ERMP1: variants seen among roughly 807,000 people sequenced by gnomAD.
ERMP1 encodes the protein endoplasmic reticulum metallopeptidase 1.
ERMP1 carries 86 observed loss-of-function variants against 92.0 expected under a neutral mutation model. The observed-to-expected ratio is 0.93, with a 90% CI of 0.79 to 1.12. The LOEUF (loss-of-function observed/expected upper bound fraction) is 1.12. Ranked by LOEUF, ERMP1 falls within the 50% of genes most tolerant of loss-of-function variation. ERMP1 has a pLI of 0.00. For missense variants in ERMP1, 1,342 were observed against 1,116.3 expected, an observed-to-expected ratio of 1.20 and a Z score of -2.88; for synonymous variants, 530 against 412.8, an observed-to-expected ratio of 1.28 and a Z score of -3.44.
At chr9:5,859,699 G>C (rs1363185047) in intron 5 of ERMP1, among the ~76,000 whole-genome samples, 1 of 152,168 alleles carries the variant, frequency 6.6e-6, no homozygotes, top group Non-Finnish European at 1.5e-5. Flanking sequence ...AAAGCCTTAA[G>C]TTGTTTCTCA....
At chr9:5,834,977 ATG>A (rs71326191), upstream of ERMP1, among the ~76,000 whole-genome samples, 21,563 of 124,604 alleles carry the variant, frequency 0.17, 1,746 homozygotes, top group Admixed American at 0.18. Context: ...GGATAGATAG[ATG>A]TGTGTGTGTG....
chr9:5,835,875 T>C (rs1300257510), upstream of ERMP1, among the ~76,000 whole-genome samples: 1 of 152,246 alleles, frequency 6.6e-6, no homozygotes, highest in Non-Finnish European at 1.5e-5. Flanking sequence ...GTTTGATCTA[T>C]AATTTTATTT....
At chr9:5,828,693 G>A (rs1405563354) in intron 2 of ERMP1, among the ~76,000 whole-genome samples, 1 of 152,184 alleles carries the variant, frequency 6.6e-6, no homozygotes, top group East Asian at 1.9e-4. Flanking sequence ...TGAAGTGCAT[G>A]TGTTAATAAA....
upstream of ERMP1, among the ~76,000 whole-genome samples, chr9:5,836,742 T>G (rs767024788): frequency 4.6e-5 from 7 of 152,170 alleles, no homozygotes; most frequent in Non-Finnish European, 1.0e-4. Flanking sequence ...ATTCAGGAAC[T>G]GGTGACAATG....
At chr9:5,818,970 T>C (rs1776008) in intron 4 of ERMP1, among the ~76,000 whole-genome samples, 8,684 of 152,288 alleles carry the variant, frequency 0.057, 782 homozygotes, top group African/African-American at 0.19. Context: ...CTTACTGTTA[T>C]ATGTATTTGC....
At chr9:5,812,700 G>A in intron 5 of ERMP1, 189 bp downstream of exon 5, 1 of 653,156 alleles carries the variant, frequency 1.5e-6, no homozygotes, top group Non-Finnish European at 2.7e-6. Context: ...ATATTTTAGA[G>A]GAGGCCAGCA....
At chr9:5,842,440 AAAAAAAAAAAGAAAGAAAAG>A (rs1213856267) in intron 6 of ERMP1, among the ~76,000 whole-genome samples, 1 of 149,994 alleles carries the variant, frequency 6.7e-6, no homozygotes, top group Non-Finnish European at 1.5e-5. Flanking sequence ...GTCTCAAAAA[AAAAAAAAAAAGAAAGAAAAG>A]AAAAAAGAAA....
chr9:5,835,336 CAA>C (rs951852428), upstream of ERMP1, among the ~76,000 whole-genome samples: 48 of 148,430 alleles, frequency 3.2e-4, 1 homozygote, highest in Admixed American at 2.8e-3. Context: ...TACATTCTAA[CAA>C]AGAGACAATG....
Position 5,787,140 on chromosome 9 carries a change from A to C in ERMP1, c.*4T>G. On this transcript the variant is annotated 3_prime_UTR_variant, in exon 15 of 15. Transcript: ENST00000339450. ...GGGCATGTACTTAGAGCTCATCCACAAGATTAAAATACAAAGAGATCGTAG... is the reference window on the plus strand; with the variant it reads ...GGGCATGTACTTAGAGCTCATCCACCAGATTAAAATACAAAGAGATCGTAG... 6.2e-7 allele frequency: 1 copy of C among 1,611,486 alleles called. No individual in the cohort carries two copies. Among genetic ancestry groups the C allele is most frequent in the Non-Finnish European group, 8.5e-7 (1 of 1,178,610 alleles).
intron 11 of ERMP1, among the ~76,000 whole-genome samples, chr9:5,799,627 C>G (rs1178431200): frequency 2.0e-5 from 3 of 152,158 alleles, no homozygotes; most frequent in Non-Finnish European, 2.9e-5. Flanking sequence ...ATTATTTGAA[C>G]ATGGCCACAC....
rs1381594188 is a variant in ERMP1, at chr9:5,861,975, AAAGTT to A, written n.3056-2369_3056-2365del. Reference sequence around the variant, plus strand: ...TCCAACCACTAGTCCTTTAAAAGTTAAAGTTTTTTAAAAAATCACATTTTAATTTT... The same window carrying A: ...TCCAACCACTAGTCCTTTAAAAGTTATTTTAAAAAATCACATTTTAATTTT... On this transcript the variant is annotated intron_variant and non_coding_transcript_variant, in intron 5 of 6. Transcript: ENST00000690753. 2.6e-5 allele frequency among the ~76,000 whole-genome samples: 4 copies of A among 152,130 alleles called. No homozygotes were observed. The East Asian group carries it at 7.7e-4, about 29-fold the overall frequency.
intron 13 of ERMP1, among the ~76,000 whole-genome samples, chr9:5,789,313 A>G (rs1828072618): frequency 6.6e-6 from 1 of 152,248 alleles, no homozygotes; most frequent in African/African-American, 2.4e-5. Context: ...TTACATTGGT[A>G]TCAGACCCCA....
At chr9:5,838,281 C>T (rs1830117229) in intron 6 of ERMP1, among the ~76,000 whole-genome samples, 1 of 152,036 alleles carries the variant, frequency 6.6e-6, no homozygotes, top group African/African-American at 2.4e-5. Context: ...GTAGCTCATG[C>T]CTATAACTCC....
In ERMP1 at chr9:5,833,090, C is replaced by CGCCGCCGTCGCT. The variant is rs1830027312; in HGVS notation, c.-75_-64dup. The CGCCGCCGTCGCT allele has an allele frequency of 5.2e-6, 7 of 1,342,442 alleles. No individual in the cohort carries two copies. In the East Asian group the frequency reaches 1.8e-4, roughly 35 times the overall value. 83.2% of individuals were successfully genotyped at this position (1,342,442 alleles called of 1,614,324 possible). ...CCGCGACAGCCCCGGCCGCCGCCGA[C>CGCCGCCGTCGCT]GCCGCCGTCGCTGCCGCAGCGCCTC... is the stretch of plus-strand genomic sequence containing the variant. On this transcript the variant is annotated 5_prime_UTR_variant, in exon 1 of 15. Transcript: ENST00000339450.
intron 4 of ERMP1, among the ~76,000 whole-genome samples, chr9:5,818,248 A>T (rs1202419803): frequency 1.3e-5 from 2 of 152,172 alleles, no homozygotes; most frequent in Non-Finnish European, 2.9e-5. Context: ...GAATAAGACT[A>T]GCTAGCAGGT....
At chr9:5,794,747 A>G (rs1828344814) in intron 13 of ERMP1, among the ~76,000 whole-genome samples, 1 of 152,214 alleles carries the variant, frequency 6.6e-6, no homozygotes, top group African/African-American at 2.4e-5. Context: ...GAGTGAATCA[A>G]TAATTAATAA....
At chr9:5,844,174 T>C (rs1830205595) in intron 6 of ERMP1, among the ~76,000 whole-genome samples, 1 of 152,208 alleles carries the variant, frequency 6.6e-6, no homozygotes, top group African/African-American at 2.4e-5. Flanking sequence ...ATCCTGAGAC[T>C]TCCTTCCTGC....
At chr9:5,800,432 T>C (rs1034296655) in intron 11 of ERMP1, among the ~76,000 whole-genome samples, 1 of 152,078 alleles carries the variant, frequency 6.6e-6, no homozygotes, top group African/African-American at 2.4e-5. Flanking sequence ...CCCAAGCACT[T>C]TGGGAGGCCG....
intron 6 of ERMP1, among the ~76,000 whole-genome samples, chr9:5,851,847 G>A (rs907554341): frequency 2.0e-5 from 3 of 152,050 alleles, no homozygotes; most frequent in African/African-American, 7.2e-5. Flanking sequence ...ATTTACAAAG[G>A]AATATTACTT....
Sources: gnomAD v4.1 joint callset for allele counts (sites outside exome capture counted in the v4.1 genomes callset) on GRCh38, gnomAD v4.1.1 for gene constraint, MANE v1.5 for transcripts, NCBI Gene and HGNC (gene_info 2026-07-23, HGNC 2026-07-21) for gene names.